CEP128: variants seen among roughly 807,000 people sequenced by gnomAD.
CEP128 encodes centrosomal protein 128.
CEP128 carries 132 observed loss-of-function variants against 156.7 expected under a neutral mutation model. The ratio of observed to expected loss-of-function variants is 0.84; its 90% confidence interval spans 0.73 to 0.97. The LOEUF is 0.97. Among genes scored for constraint, CEP128 ranks in the 50% least tolerant of loss-of-function variants. The pLI is 0.00. For missense variants in CEP128, 1,252 were observed against 1,281.9 expected (o/e 0.98, Z 0.36); for synonymous variants, 469 against 448.9 (o/e 1.04, Z -0.57).
chr14:80,789,042 A>G (rs997790913), intron 14 of CEP128, among the ~76,000 whole-genome samples: 1 of 152,134 alleles, frequency 6.6e-6, no homozygotes, highest in Non-Finnish European at 1.5e-5. Context: ...AACCCAACTG[A>G]TATTTCTATG....
exon 15 of CEP128, chr14:80,478,276 CTT>C (rs1356787342): frequency 6.6e-6 from 1 of 151,100 alleles, no homozygotes; most frequent in Admixed American, 6.7e-5. Flanking sequence ...TGTTCCCTCT[CTT>C]GGGTTGCAGA....
At chr14:80,941,387 G>A (rs1004235881) in intron 1 of CEP128, among the ~76,000 whole-genome samples, 194 bp downstream of exon 1, 3 of 152,152 alleles carry the variant, frequency 2.0e-5, no homozygotes, top group Admixed American at 6.5e-5. Context: ...CCTGCCGAGG[G>A]AGGGAGGCCT....
intron 24 of CEP128, 68 bp downstream of exon 24, chr14:80,504,840 TAAAC>T: frequency 1.4e-6 from 1 of 712,706 alleles, no homozygotes; most frequent in East Asian, 2.8e-5. Context: ...ATACTGGCCT[TAAAC>T]TAATTTTCCC....
At chr14:80,800,968 G>T (rs1883807439) in intron 13 of CEP128, among the ~76,000 whole-genome samples, 1 of 152,174 alleles carries the variant, frequency 6.6e-6, no homozygotes. Flanking sequence ...ATGTGAAGAA[G>T]AGAAAAGATT....
At chr14:80,784,771 T>C in intron 15 of CEP128, 124 bp downstream of exon 15, 1 of 864,404 alleles carries the variant, frequency 1.2e-6, no homozygotes, top group Non-Finnish European at 1.8e-6. Flanking sequence ...CTCTTTATTG[T>C]TGGTTTTATC....
chr14:80,738,183 T>C (rs1253057785), intron 19 of CEP128, among the ~76,000 whole-genome samples: 1 of 152,142 alleles, frequency 6.6e-6, no homozygotes, highest in Non-Finnish European at 1.5e-5. Flanking sequence ...AGTAAACCAA[T>C]ATATAAATAA....
chr14:80,535,044 G>A (rs139545491), intron 21 of CEP128, among the ~76,000 whole-genome samples: 125 of 152,290 alleles, frequency 8.2e-4, no homozygotes, highest in Middle Eastern at 3.4e-3. Flanking sequence ...GAGGCTAGAA[G>A]AGCTGGACTT....
chr14:80,586,693 G>A (rs1358469336), intron 19 of CEP128, among the ~76,000 whole-genome samples: 3 of 152,152 alleles, frequency 2.0e-5, no homozygotes, highest in Non-Finnish European at 2.9e-5. Flanking sequence ...GGGAGATGAC[G>A]TCCAAAAATA....
chr14:80,763,564 T>C (rs1900075713), intron 16 of CEP128, among the ~76,000 whole-genome samples: 1 of 152,220 alleles, frequency 6.6e-6, no homozygotes, highest in African/African-American at 2.4e-5. Context: ...TCCTTTAAGA[T>C]GCTGCATTCT....
intron 19 of CEP128, among the ~76,000 whole-genome samples, chr14:80,730,946 T>C (rs1451254327): frequency 6.6e-6 from 1 of 152,168 alleles, no homozygotes; most frequent in Non-Finnish European, 1.5e-5. Context: ...TATCAAATGA[T>C]GTGAAAGAAA....
intron 23 of CEP128, 78 bp downstream of exon 23, chr14:80,526,791 T>G (rs1888989657): frequency 1.4e-6 from 1 of 729,676 alleles, no homozygotes; most frequent in African/African-American, 1.8e-5. Flanking sequence ...ACACAAACAC[T>G]GCAGAGGCTG....
intron 8 of CEP128, among the ~76,000 whole-genome samples, chr14:80,868,027 AC>A (rs1418440054): frequency 2.0e-5 from 3 of 152,122 alleles, no homozygotes; most frequent in African/African-American, 7.2e-5. Flanking sequence ...CTCAGCAGAA[AC>A]CAGGAGAGAA....
At chr14:80,634,827 T>G (rs1048942346) in intron 19 of CEP128, among the ~76,000 whole-genome samples, 3 of 152,188 alleles carry the variant, frequency 2.0e-5, no homozygotes, top group African/African-American at 7.2e-5. Flanking sequence ...TTCTCTACAT[T>G]TTCTCTCCTC....
At chr14:80,883,864 C>A (rs992760568) in intron 8 of CEP128, among the ~76,000 whole-genome samples, 2 of 152,164 alleles carry the variant, frequency 1.3e-5, no homozygotes, top group African/African-American at 4.8e-5. Context: ...CAGCATAGAA[C>A]TGGCATAGAA....
In CEP128 at chr14:80,761,493, T is replaced by C. The variant is rs1899965599; in HGVS notation, c.2497A>G (p.Lys833Glu). 1 of 1,612,416 alleles carries C rather than the reference T, an allele frequency of 6.2e-7. No homozygotes were observed. Among genetic ancestry groups the C allele is most frequent in the Non-Finnish European group, 8.5e-7 (1 of 1,178,932 alleles). The change falls in exon 17 of 25, where the codon AAG becomes GAG. Residue 833 changes from lysine (K) to glutamate (E), a missense_variant. Transcript: ENST00000555265. ...GTTTTACAAGCTGCATCAATTTCCT[T>C]TCCTATCACACCAAGAATGGATTCC... Reference protein sequence around the residue: ...EQESILGVIGKEIDAACKTFS... With the variant: ...EQESILGVIGEEIDAACKTFS...
At chr14:80,882,912 GGAGGATGGGTAA>G (rs1288149289) in intron 8 of CEP128, among the ~76,000 whole-genome samples, 1 of 152,142 alleles carries the variant, frequency 6.6e-6, no homozygotes, top group African/African-American at 2.4e-5. Flanking sequence ...AAGGGTAGTG[GGAGGATGGGTAA>G]GAGGAAGGGA....
intron 2 of CEP128, among the ~76,000 whole-genome samples, chr14:80,932,533 TGTGAAGCAGGTTTTTCTGCA>T (rs1332532991): frequency 6.6e-6 from 1 of 152,142 alleles, no homozygotes; most frequent in Non-Finnish European, 1.5e-5. Context: ...ATCTTATCTT[TGTGAAGCAGGTTTTTCTGCA>T]GTGACAGCAA....
intron 2 of CEP128, among the ~76,000 whole-genome samples, chr14:80,954,206 G>A (rs927604609): frequency 1.3e-5 from 2 of 152,126 alleles, no homozygotes; most frequent in Non-Finnish European, 1.5e-5. Flanking sequence ...GGAGGCAAAG[G>A]TTGCAGTGAG....
At chr14:80,635,059 T>G (rs1894123666) in intron 19 of CEP128, among the ~76,000 whole-genome samples, 1 of 152,198 alleles carries the variant, frequency 6.6e-6, no homozygotes, top group African/African-American at 2.4e-5. Flanking sequence ...ATATCTCCTC[T>G]TTTCGTAGAA....
Sources: allele counts gnomAD v4.1 joint callset (sites outside exome capture counted in the v4.1 genomes callset), GRCh38; gene constraint gnomAD v4.1.1; transcripts MANE v1.5; gene names NCBI Gene and HGNC (gene_info 2026-07-23, HGNC 2026-07-21).